The following CPNE8 variants were observed in gnomAD, a reference collection of about 807,000 sequenced individuals.
The protein encoded by CPNE8 is copine 8.
CPNE8 carries 45 observed loss-of-function variants against 81.5 expected under a neutral mutation model. The ratio of observed to expected loss-of-function variants is 0.55; its 90% confidence interval spans 0.44 to 0.71. CPNE8 has a LOEUF of 0.71. CPNE8 is among the 30% of genes least tolerant of loss of function. The pLI, the probability that CPNE8 is intolerant of heterozygous loss-of-function variation, is 0.00. For synonymous variants in CPNE8, 252 were observed against 226.3 expected (o/e 1.11, Z -1.02); for missense variants, 594 against 672.1 (o/e 0.88, Z 1.28).
chr12:38,892,415 T>C (rs1944325725), intron 1 of CPNE8, among the ~76,000 whole-genome samples: 1 of 152,146 alleles, frequency 6.6e-6, no homozygotes, highest in South Asian at 2.1e-4. Flanking sequence ...GCTCACTACA[T>C]GTGTGAAGAA....
At chr12:38,786,907 C>T (rs913593081) in intron 6 of CPNE8, among the ~76,000 whole-genome samples, 1 of 151,884 alleles carries the variant, frequency 6.6e-6, no homozygotes, top group Non-Finnish European at 1.5e-5. Context: ...ACTGGAACAC[C>T]CAATTTTAAA....
intron 10 of CPNE8, among the ~76,000 whole-genome samples, chr12:38,744,037 G>A (rs1450645899): frequency 6.6e-6 from 1 of 152,098 alleles, no homozygotes; most frequent in Non-Finnish European, 1.5e-5. Context: ...AATTATCTCA[G>A]GTTGGATCTA....
intron 16 of CPNE8, chr12:38,679,815 T>TA: frequency 2.3e-6 from 1 of 432,050 alleles, no homozygotes; most frequent in Non-Finnish European, 3.1e-6. Flanking sequence ...TTTAAAAATA[T>TA]TATATATTTA....
intron 19 of CPNE8, among the ~76,000 whole-genome samples, chr12:38,666,415 T>G (rs1329764344): frequency 6.6e-6 from 1 of 152,116 alleles, no homozygotes; most frequent in Non-Finnish European, 1.5e-5. Context: ...TGTAAATAAC[T>G]ATGAGACAAA....
In CPNE8 at chr12:38,872,974, G is replaced by T. The variant is rs1445943777; in HGVS notation, c.186+30C>A. 3.9e-6 allele frequency: 5 copies of T among 1,297,238 alleles called. No individual in the cohort carries two copies. The East Asian group carries it at 7.0e-5, about 18-fold the overall frequency. 80.4% of individuals were successfully genotyped at this position (1,297,238 alleles called of 1,614,324 possible). ...ATAACTTACTGTATCTTCAAGCCCA[G>T]TGATTTTTTTAAAAAAGTTTTAAAC... On this transcript the variant is annotated intron_variant, in intron 3 of 19. Coordinates refer to ENST00000331366, the MANE Select transcript of CPNE8 (RefSeq NM_153634.3).
chr12:38,898,717 G>A (rs570441703), intron 1 of CPNE8, among the ~76,000 whole-genome samples: 1 of 152,284 alleles, frequency 6.6e-6, no homozygotes, highest in South Asian at 2.1e-4. Context: ...GCCTCCAACT[G>A]TTGTGTTTGA....
At chr12:38,708,317 T>A (rs1940164340) in intron 13 of CPNE8, among the ~76,000 whole-genome samples, 2 of 152,050 alleles carry the variant, frequency 1.3e-5, no homozygotes, top group South Asian at 4.1e-4. Flanking sequence ...CCCTTTTTCA[T>A]TCTCTAATAT....
At chr12:38,692,272 A>G (rs864325) in intron 15 of CPNE8, among the ~76,000 whole-genome samples, 76,111 of 151,772 alleles carry the variant, frequency 0.5, 20,174 homozygotes, top group East Asian at 0.8. Flanking sequence ...CTGGGCAACA[A>G]AGCAAGGCTC....
intron 6 of CPNE8, among the ~76,000 whole-genome samples, chr12:38,819,467 A>T (rs1943078577): frequency 6.6e-6 from 1 of 152,008 alleles, no homozygotes; most frequent in South Asian, 2.1e-4. Context: ...CCTGAGAATA[A>T]GTATAACAGC....
At chr12:38,763,992 G>C (rs1447362717) in intron 8 of CPNE8, among the ~76,000 whole-genome samples, 1 of 152,048 alleles carries the variant, frequency 6.6e-6, no homozygotes, top group African/African-American at 2.4e-5. Context: ...AAAGGATCAA[G>C]TTTTTATTAC....
At chr12:38,727,988 GAGC>G (rs1447312285) in intron 11 of CPNE8, among the ~76,000 whole-genome samples, 1 of 152,138 alleles carries the variant, frequency 6.6e-6, no homozygotes, top group African/African-American at 2.4e-5. Flanking sequence ...GCTGATCACG[GAGC>G]TAACCAAGCA....
chr12:38,717,458 T>TATATATATATACAC (rs1339046227), intron 13 of CPNE8, among the ~76,000 whole-genome samples: 3 of 138,730 alleles, frequency 2.2e-5, no homozygotes, highest in Non-Finnish European at 3.1e-5. Flanking sequence ...TATATATATA[T>TATATATATATACAC]ACACCATGGA....
intron 10 of CPNE8, among the ~76,000 whole-genome samples, chr12:38,734,083 C>T (rs1446401656): frequency 5.3e-5 from 8 of 151,924 alleles, no homozygotes; most frequent in Admixed American, 3.3e-4. Flanking sequence ...ATCACAGTTC[C>T]TATATTATAT....
Position 38,685,632 on chromosome 12 carries a change from A to G in CPNE8, c.1144-15T>C, listed in dbSNP as rs1565566820. 6.2e-7 allele frequency: 1 copy of G among 1,606,976 alleles called. No individual in the cohort carries two copies. The highest frequency in any genetic ancestry group is 2.2e-5 in the East Asian group (1 of 44,720). ...GGATTCCCATTCTGTAGAAATTTAT[A>G]GGCAAAACAAAACAAAACAACAGTA... is the stretch of plus-strand genomic sequence containing the variant. On this transcript the variant is annotated splice_polypyrimidine_tract_variant and intron_variant, in intron 15 of 19. Coordinates refer to ENST00000331366, the MANE Select transcript of CPNE8 (RefSeq NM_153634.3).
intron 6 of CPNE8, among the ~76,000 whole-genome samples, chr12:38,792,092 A>G (rs1205322793): frequency 6.6e-6 from 1 of 151,326 alleles, no homozygotes; most frequent in Non-Finnish European, 1.5e-5. Flanking sequence ...AGTAGTACTA[A>G]CAAGGAAGTT....
intron 6 of CPNE8, among the ~76,000 whole-genome samples, chr12:38,827,704 C>G (rs896987203): frequency 6.6e-6 from 1 of 152,130 alleles, no homozygotes; most frequent in Non-Finnish European, 1.5e-5. Flanking sequence ...TTATCCTAAG[C>G]AAATTGACAC....
At chr12:38,673,279 A>C (rs1486503217) in intron 18 of CPNE8, among the ~76,000 whole-genome samples, 1 of 152,258 alleles carries the variant, frequency 6.6e-6, no homozygotes, top group South Asian at 2.1e-4. Flanking sequence ...TTTCCTTTAT[A>C]AATTACCCAG....
chr12:38,749,895 G>C (rs1941314501), intron 10 of CPNE8, among the ~76,000 whole-genome samples: 1 of 152,188 alleles, frequency 6.6e-6, no homozygotes, highest in Non-Finnish European at 1.5e-5. Context: ...ATTTGCATAA[G>C]GAAGGAGGAG....
chr12:38,741,341 C>A (rs1440143368), intron 10 of CPNE8, among the ~76,000 whole-genome samples: 1 of 151,752 alleles, frequency 6.6e-6, no homozygotes, highest in Admixed American at 6.6e-5. Context: ...GAGATATAGA[C>A]CAATGGAACA....
Sources: allele counts gnomAD v4.1 joint callset (sites outside exome capture counted in the v4.1 genomes callset), GRCh38; gene constraint gnomAD v4.1.1; transcripts MANE v1.5; gene names NCBI Gene and HGNC (gene_info 2026-07-23, HGNC 2026-07-21).